NT5M: variants seen among roughly 807,000 people sequenced by gnomAD.
The protein encoded by NT5M is 5',3'-nucleotidase, mitochondrial.
A neutral mutation model predicts 22.2 loss-of-function variants in NT5M; 22 were observed. The ratio of observed to expected loss-of-function variants is 0.99; its 90% CI spans 0.71 to 1.41. The LOEUF (loss-of-function observed/expected upper bound fraction) is 1.41. Among genes scored for constraint, NT5M ranks in the 40% most tolerant of loss-of-function variants. The pLI, the probability that NT5M is intolerant of heterozygous loss-of-function variation, is 0.00. For synonymous variants in NT5M, 167 were observed against 133.0 expected, an observed-to-expected ratio of 1.26 and a Z score of -1.76; for missense variants, 322 against 314.8, an observed-to-expected ratio of 1.02 and a Z score of -0.17.
chr17:17,346,701 GT>G, intron 4 of NT5M, 103 bp from the exon 5 acceptor site: 1 of 1,447,874 alleles, frequency 6.9e-7, no homozygotes, highest in Non-Finnish European at 9.4e-7. Flanking sequence ...GAGGAAACAA[GT>G]TTTGGCAAGG....
chr17:17,340,725 C>T (rs1162646714), intron 3 of NT5M, among the ~76,000 whole-genome samples: 1 of 151,948 alleles, frequency 6.6e-6, no homozygotes. Flanking sequence ...TGGGGTTTCA[C>T]CATGTTGGCC....
rs533187754 is a variant in NT5M, at chr17:17,331,787, C to CT, written c.429+8553dup. Among the ~76,000 whole-genome samples the CT allele has an allele frequency of 7.7e-4, 111 of 144,756 alleles. No individual in the cohort carries two copies. The Middle Eastern group carries it at 0.011, about 14-fold the overall frequency. The allele number at this position is 144,756 out of a possible 152,430, so 95.0% of individuals were successfully genotyped here. Reference sequence around the variant, plus strand: ...ATGGTATTCTTTTTCTTTTTCTTTTCTTTTTTTTTTTGAGATGGAGTCTCG... The same window carrying CT: ...ATGGTATTCTTTTTCTTTTTCTTTTCTTTTTTTTTTTTGAGATGGAGTCTCG... On this transcript the variant is annotated intron_variant, in intron 3 of 4. Coordinates refer to ENST00000389022, the MANE Select transcript of NT5M (RefSeq NM_020201.4).
intron 2 of NT5M, among the ~76,000 whole-genome samples, chr17:17,310,270 C>T (rs2145326441): frequency 2.0e-5 from 3 of 152,142 alleles, no homozygotes; most frequent in Middle Eastern, 6.8e-3. Context: ...GAAAAAAAGC[C>T]AGGCACAGTG....
At chr17:17,330,933 G>C (rs1177650291) in intron 3 of NT5M, among the ~76,000 whole-genome samples, 2 of 151,218 alleles carry the variant, frequency 1.3e-5, no homozygotes, top group African/African-American at 4.9e-5. Flanking sequence ...AGTAGAGATG[G>C]GGTTTCATCG....
intron 2 of NT5M, among the ~76,000 whole-genome samples, chr17:17,310,194 A>G (rs6502578): frequency 0.77 from 116,845 of 152,088 alleles, 45,433 homozygotes; most frequent in Non-Finnish European, 0.83. Flanking sequence ...GAATATATTT[A>G]TAAATCATGT....
At chr17:17,339,150 G>A (rs1216256898) in intron 3 of NT5M, among the ~76,000 whole-genome samples, 2 of 152,158 alleles carry the variant, frequency 1.3e-5, no homozygotes, top group Non-Finnish European at 2.9e-5. Context: ...CACTTTTTGT[G>A]TCTTCAATTT....
At chr17:17,309,314 A>G (rs895033807) in intron 2 of NT5M, among the ~76,000 whole-genome samples, 4 of 152,048 alleles carry the variant, frequency 2.6e-5, no homozygotes, top group Admixed American at 6.6e-5. Context: ...TTGTAGAGGT[A>G]GGATCTACCT....
chr17:17,337,431 T>G (rs556663655), intron 3 of NT5M, among the ~76,000 whole-genome samples: 102 of 150,698 alleles, frequency 6.8e-4, no homozygotes, highest in Non-Finnish European at 1.2e-3. Flanking sequence ...TTAGACTGGG[T>G]TTTGCCCTGT....
chr17:17,342,105 G>T (rs1335224264), intron 3 of NT5M, among the ~76,000 whole-genome samples: 2 of 152,002 alleles, frequency 1.3e-5, no homozygotes, highest in African/African-American at 4.8e-5. Context: ...AAAGCTAAAA[G>T]TATAAAACTT....
chr17:17,310,713 C>T (rs1407267843), intron 2 of NT5M, among the ~76,000 whole-genome samples: 1 of 144,272 alleles, frequency 6.9e-6, no homozygotes, highest in Non-Finnish European at 1.5e-5. Flanking sequence ...TGGTGCGTGC[C>T]TGTGATCCCA....
intron 2 of NT5M, among the ~76,000 whole-genome samples, chr17:17,309,206 G>A (rs1465719997): frequency 6.7e-6 from 1 of 150,334 alleles, no homozygotes; most frequent in African/African-American, 2.5e-5. Flanking sequence ...GCTTACTGCA[G>A]CCTTTACCGC....
chr17:17,325,319 G>A (rs1384770255), intron 3 of NT5M, among the ~76,000 whole-genome samples: 2 of 151,566 alleles, frequency 1.3e-5, no homozygotes, highest in Non-Finnish European at 2.9e-5. Flanking sequence ...TGCCCTCTGA[G>A]CTCCAGACAC....
At chr17:17,341,406 G>A (rs1397746732) in intron 3 of NT5M, among the ~76,000 whole-genome samples, 3 of 152,198 alleles carry the variant, frequency 2.0e-5, no homozygotes, top group Non-Finnish European at 4.4e-5. Flanking sequence ...TCCCCAGCTC[G>A]TATGTATCAG....
chr17:17,318,285 A>G (rs2145356942), intron 2 of NT5M, among the ~76,000 whole-genome samples: 1 of 150,714 alleles, frequency 6.6e-6, no homozygotes, highest in East Asian at 2.0e-4. Context: ...GAAACCAGCC[A>G]GTGCCACACG....
At chr17:17,337,919 T>C (rs2049550725) in intron 3 of NT5M, among the ~76,000 whole-genome samples, 1 of 152,224 alleles carries the variant, frequency 6.6e-6, no homozygotes, top group Admixed American at 6.5e-5. Context: ...GTGATCCCAT[T>C]TGTCCGTGTT....
intron 4 of NT5M, chr17:17,345,402 T>C (rs2064060): frequency 0.4 from 142,074 of 356,682 alleles, 29,038 homozygotes; most frequent in East Asian, 0.47. Flanking sequence ...ATGGGCGTGG[T>C]GACTCACGCC....
chr17:17,329,828 C>T (rs2049339280), intron 3 of NT5M, among the ~76,000 whole-genome samples: 2 of 151,810 alleles, frequency 1.3e-5, no homozygotes, highest in South Asian at 4.2e-4. Flanking sequence ...AAAAATTAGC[C>T]AGGCGTGCTG....
In NT5M at chr17:17,331,351, A is replaced by G. The variant is rs1415891735; in HGVS notation, c.429+8106A>G. The stretch of plus-strand genomic sequence containing the variant: ...GGGGTTTCTTTTAGGGGTGATGGAA[A>G]CATTCTGGAATTTAGATAGTGGTAG... On this transcript the variant is annotated intron_variant, in intron 3 of 4. Transcript: ENST00000389022. Among the ~76,000 whole-genome samples, 5 of 151,660 alleles carry G rather than the reference A, an allele frequency of 3.3e-5. 1 individual carries two copies. The highest frequency in any genetic ancestry group is 1.2e-4 in the African/African-American group (5 of 40,962).
At chr17:17,332,004 T>C (rs1397803984) in intron 3 of NT5M, among the ~76,000 whole-genome samples, 2 of 148,514 alleles carry the variant, frequency 1.3e-5, no homozygotes, top group African/African-American at 5.3e-5. Context: ...ATGGTCTTGA[T>C]TTCCCGACCT....
Sources: gnomAD v4.1 joint callset for allele counts (sites outside exome capture counted in the v4.1 genomes callset) on GRCh38, gnomAD v4.1.1 for gene constraint, MANE v1.5 for transcripts, NCBI Gene and HGNC (gene_info 2026-07-23, HGNC 2026-07-21) for gene names.